MECOM: variants seen among roughly 807,000 people sequenced by gnomAD.
MECOM encodes the protein histone-lysine N-methyltransferase MECOM.
A neutral mutation model predicts 116.3 loss-of-function variants in MECOM; 13 were observed. That is an observed-to-expected ratio of 0.11 (90% CI 0.07 to 0.18). The LOEUF is 0.18. Ranked by LOEUF, MECOM falls within the 10% of genes least tolerant of loss-of-function variation. The pLI is 1.00. For synonymous variants in MECOM, 528 were observed against 535.2 expected, an observed-to-expected ratio of 0.99 and a Z score of 0.19; for missense variants, 1,299 against 1,509.0, an observed-to-expected ratio of 0.86 and a Z score of 2.31.
rs1025151707 is a variant in MECOM, at chr3:169,483,091, A to G, written c.38-101567T>C. 7.9e-5 allele frequency among the ~76,000 whole-genome samples: 12 copies of G among 152,264 alleles called. No individual in the cohort carries two copies. The South Asian group carries it at 2.3e-3, about 29-fold the overall frequency. On this transcript the variant is annotated intron_variant, in intron 1 of 16. Transcript: ENST00000651503. Reference sequence around the variant, plus strand: ...TCAGGTGATTATTAATTCATGGTATACTCGACTAGCAGCCAAAACTACAAC... The same window carrying G: ...TCAGGTGATTATTAATTCATGGTATGCTCGACTAGCAGCCAAAACTACAAC...
At chr3:169,292,625 A>G (rs759881354) in intron 2 of MECOM, among the ~76,000 whole-genome samples, 1 of 152,114 alleles carries the variant, frequency 6.6e-6, no homozygotes, top group Non-Finnish European at 1.5e-5. Context: ...GGGCCCTGAA[A>G]AGGCTCACAG....
In MECOM at chr3:169,302,779, A is replaced by T. The variant is rs540588741; in HGVS notation, c.375+78408T>A. ...CTCAGGAGGCTGAGGCAGGAGAATC[A>T]GTTGAACCCAGGAGACAGAGATTGC... On this transcript the variant is annotated intron_variant, in intron 2 of 16. Transcript: ENST00000651503. Among the ~76,000 whole-genome samples the T allele has an allele frequency of 9.2e-5, 14 of 152,052 alleles. No homozygotes were observed. The South Asian group carries it at 2.9e-3, about 32-fold the overall frequency.
In MECOM at chr3:169,478,974, A is replaced by T. The variant is rs562552156; in HGVS notation, c.38-97450T>A. Among the ~76,000 whole-genome samples the T allele has an allele frequency of 2.0e-5, 3 of 152,186 alleles. 1 individual carries two copies. The highest frequency in any genetic ancestry group is 4.4e-5 in the Non-Finnish European group (3 of 68,024). ...TTTGTTTCTGCATCTAGCATTATTT[A>T]TTCACCAAAATATTTGTTGATCACC... On this transcript the variant is annotated intron_variant, in intron 1 of 16. Transcript: ENST00000651503.
At chr3:169,436,928 G>GA (rs902100688) in intron 1 of MECOM, among the ~76,000 whole-genome samples, 22 of 151,926 alleles carry the variant, frequency 1.4e-4, no homozygotes, top group African/African-American at 4.8e-5. Context: ...TTATTCATTA[G>GA]AAAAAATATA....
chr3:169,389,449 G>T, intron 1 of MECOM: 2 of 537,816 alleles, frequency 3.7e-6, no homozygotes, highest in Non-Finnish European at 2.4e-6. Context: ...GACCAGGTAA[G>T]AACAGACTTA....
chr3:169,596,910 T>A (rs965778037), intron 1 of MECOM, among the ~76,000 whole-genome samples: 5 of 152,200 alleles, frequency 3.3e-5, no homozygotes, highest in African/African-American at 1.2e-4. Context: ...CATTAGCATT[T>A]TTTTCTTATT....
At chr3:169,446,855 A>G (rs575613310) in intron 1 of MECOM, among the ~76,000 whole-genome samples, 2 of 152,268 alleles carry the variant, frequency 1.3e-5, no homozygotes, top group African/African-American at 4.8e-5. Flanking sequence ...TACTGCCCTC[A>G]TCCCTATCAG....
intron 3 of MECOM, among the ~76,000 whole-genome samples, chr3:169,134,769 T>C (rs1165261548): frequency 6.6e-6 from 1 of 152,172 alleles, no homozygotes; most frequent in African/African-American, 2.4e-5. Flanking sequence ...TGTCTACATA[T>C]AAATTTAATT....
At chr3:169,105,171 T>A (rs61705229) in intron 10 of MECOM, among the ~76,000 whole-genome samples, 38,421 of 152,118 alleles carry the variant, frequency 0.25, 5,083 homozygotes, top group Non-Finnish European at 0.28. Context: ...CTTCTTTTCA[T>A]CTTCCTAATG....
intron 1 of MECOM, among the ~76,000 whole-genome samples, chr3:169,621,944 T>C (rs1418185349): frequency 6.6e-6 from 1 of 152,240 alleles, no homozygotes; most frequent in East Asian, 1.9e-4. Flanking sequence ...GAAGAAAAAC[T>C]TCCTTACGAC....
At chr3:169,179,349 G>A (rs1745633504) in intron 2 of MECOM, among the ~76,000 whole-genome samples, 1 of 152,176 alleles carries the variant, frequency 6.6e-6, no homozygotes, top group African/African-American at 2.4e-5. Flanking sequence ...AGAGATTTTA[G>A]TAATGGCAAA....
intron 2 of MECOM, among the ~76,000 whole-genome samples, chr3:169,272,008 C>A (rs374110401): frequency 6.6e-6 from 1 of 152,272 alleles, no homozygotes; most frequent in African/African-American, 2.4e-5. Flanking sequence ...ATTAACCCAG[C>A]GTTCCTCAGA....
intron 1 of MECOM, among the ~76,000 whole-genome samples, chr3:169,473,231 CTG>C (rs1749829380): frequency 6.6e-6 from 1 of 152,192 alleles, no homozygotes; most frequent in Non-Finnish European, 1.5e-5. Context: ...TGAAACTTCT[CTG>C]GTGATCAGAA....
chr3:169,090,036 C>A lies in MECOM; in HGVS notation c.3365G>T (p.Ser1122Ile). ...GNPEDDYEET[S>I]ALEMSCKTSP... is the part of the protein sequence containing the mutation. ...TGTCTTGCAACTCATCTCCAGGGCA[C>A]TGGTTTCTTCATAGTCATCCTCAGG... Residue 1122 changes from serine (S) to isoleucine (I), a missense_variant, in exon 15 of 17, where the codon AGT (serine) becomes ATT (isoleucine). This residue lies in a region of MECOM where 273 missense variants were observed against 289.3 expected (regional missense o/e 0.94). Coordinates refer to ENST00000651503, the MANE Select transcript of MECOM (RefSeq NM_004991.4). 1 of 1,613,562 alleles carries A rather than the reference C, an allele frequency of 6.2e-7. No homozygotes were observed. Among genetic ancestry groups the A allele is most frequent in the Non-Finnish European group, 8.5e-7 (1 of 1,179,642 alleles).
chr3:169,290,369 T>A (rs2149694629), intron 2 of MECOM, among the ~76,000 whole-genome samples: 1 of 152,324 alleles, frequency 6.6e-6, no homozygotes, highest in East Asian at 1.9e-4. Flanking sequence ...TTATTAGTTA[T>A]TCCTTTGAGT....
intron 12 of MECOM, 57 bp from the exon 13 acceptor site, chr3:169,095,302 A>G: frequency 1.4e-6 from 2 of 1,461,152 alleles, no homozygotes; most frequent in Non-Finnish European, 1.8e-6. Flanking sequence ...ATTTCTCAAG[A>G]CTAGTTAGCC....
At chr3:169,559,791 A>G (rs1378496237) in intron 1 of MECOM, among the ~76,000 whole-genome samples, 1 of 152,188 alleles carries the variant, frequency 6.6e-6, no homozygotes, top group Non-Finnish European at 1.5e-5. Context: ...GACAGATTAA[A>G]TGGGTTTTTA....
chr3:169,093,595 C>T (rs1198192394), intron 13 of MECOM, among the ~76,000 whole-genome samples: 5 of 152,068 alleles, frequency 3.3e-5, no homozygotes, highest in African/African-American at 1.2e-4. Context: ...GTTTGCTGGG[C>T]GAAGCTGTGA....
At chr3:169,400,248 G>A (rs963358650) in intron 1 of MECOM, among the ~76,000 whole-genome samples, 12 of 152,048 alleles carry the variant, frequency 7.9e-5, no homozygotes, top group Admixed American at 2.6e-4. Context: ...ACTTGGCTAC[G>A]AGTGGAATGA....
Sources: allele counts gnomAD v4.1 joint callset (sites outside exome capture counted in the v4.1 genomes callset), GRCh38; gene constraint gnomAD v4.1.1; regional missense constraint gnomAD v4.1.1; transcripts MANE v1.5; gene names NCBI Gene and HGNC (gene_info 2026-07-23, HGNC 2026-07-21).